KDM5B: variants seen among roughly 807,000 people sequenced by gnomAD.
KDM5B encodes the protein lysine demethylase 5B, also known as lysine-specific demethylase 5B.
A neutral mutation model predicts 193.4 loss-of-function variants in KDM5B; 144 were observed. The observed-to-expected ratio is 0.74, with a 90% CI of 0.65 to 0.86. The LOEUF is 0.86. Ranked by LOEUF, KDM5B falls within the 40% of genes least tolerant of loss-of-function variation. KDM5B has a pLI of 0.00. For synonymous variants in KDM5B, 668 were observed against 682.6 expected (o/e 0.98, Z 0.33); for missense variants, 1,833 against 1,886.9 (o/e 0.97, Z 0.53).
chr1:202,805,377 G>A (rs1658248757), intron 1 of KDM5B, among the ~76,000 whole-genome samples: 2 of 152,142 alleles, frequency 1.3e-5, no homozygotes, highest in African/African-American at 4.8e-5. Context: ...AATAATGTAA[G>A]TACTCTAAGT....
intron 1 of KDM5B, among the ~76,000 whole-genome samples, chr1:202,801,724 T>A (rs1033132182): frequency 6.6e-6 from 1 of 152,214 alleles, no homozygotes; most frequent in Non-Finnish European, 1.5e-5. Context: ...TACTTCTCAA[T>A]TGCATACCAT....
rs779548257 is a variant in KDM5B at position 202,749,008 on chromosome 1, A to C, written c.1953T>G (p.Val651=). The change falls in exon 14 of 27, where the codon GTT becomes GTG. Residue 651 remains valine, a synonymous_variant. Coordinates refer to ENST00000367265, the MANE Select transcript of KDM5B (RefSeq NM_006618.5). ...DVLDVVVAST[V]QKDMAIMIED... Reference sequence around the variant, plus strand: ...CAATCATAATGGCCATGTCTTTCTGAACAGTTGAAGCCACTACAACATCTA... The same window carrying C: ...CAATCATAATGGCCATGTCTTTCTGCACAGTTGAAGCCACTACAACATCTA... The C allele has an allele frequency of 6.2e-7, 1 of 1,614,088 alleles. No homozygotes were observed. Among genetic ancestry groups the C allele is most frequent in the Non-Finnish European group, 8.5e-7 (1 of 1,180,004 alleles).
chr1:202,775,841 A>C (rs1397755658), intron 2 of KDM5B, among the ~76,000 whole-genome samples: 2 of 133,350 alleles, frequency 1.5e-5, no homozygotes, highest in South Asian at 2.5e-4. Flanking sequence ...TGGTGACAGA[A>C]CAAGACTCTT....
chr1:202,801,362 T>C (rs1658066094), intron 1 of KDM5B, among the ~76,000 whole-genome samples: 1 of 152,130 alleles, frequency 6.6e-6, no homozygotes, highest in African/African-American at 2.4e-5. Flanking sequence ...GGTCTACAGT[T>C]AAAGGACTGA....
At chr1:202,800,489 C>T (rs1016411488) in intron 1 of KDM5B, among the ~76,000 whole-genome samples, 7 of 152,194 alleles carry the variant, frequency 4.6e-5, no homozygotes, top group East Asian at 1.9e-4. Context: ...TACAGGTGCA[C>T]GTCACCATTC....
chr1:202,748,036 C>A (rs1212388220), intron 14 of KDM5B, among the ~76,000 whole-genome samples: 1 of 151,912 alleles, frequency 6.6e-6, no homozygotes, highest in East Asian at 1.9e-4. Context: ...TAATCAAGAC[C>A]ATTTAGTATT....
chr1:202,803,260 A>G (rs1238156363), intron 1 of KDM5B, among the ~76,000 whole-genome samples: 1 of 152,188 alleles, frequency 6.6e-6, no homozygotes, highest in Non-Finnish European at 1.5e-5. Flanking sequence ...TTTAGATTGC[A>G]TGTTTAAAAC....
In KDM5B at chr1:202,772,955, C is replaced by G. The variant is rs868293433; in HGVS notation, c.576+163G>C. Among the ~76,000 whole-genome samples, 7 of 152,150 alleles carry G rather than the reference C, an allele frequency of 4.6e-5. No homozygotes were observed. Among genetic ancestry groups the G allele is most frequent in the Non-Finnish European group, 8.8e-5 (6 of 68,026 alleles). ...CAGGTGATTCACCTGCCTTGGCCTC[C>G]CAAAGTGTTGGGATTACAGGAGTGA... is the stretch of plus-strand genomic sequence containing the variant. On this transcript the variant is annotated intron_variant, in intron 4 of 26. Transcript: ENST00000367265.
chr1:202,735,251 T>C (rs572030168), intron 22 of KDM5B, among the ~76,000 whole-genome samples, 178 bp downstream of exon 22: 10 of 152,292 alleles, frequency 6.6e-5, no homozygotes, highest in African/African-American at 2.2e-4. Context: ...CTTTCCCACC[T>C]CTATGCATCT....
At chr1:202,771,397 A>ATTT (rs1558504271) in intron 4 of KDM5B, among the ~76,000 whole-genome samples, 1 of 54,606 alleles carries the variant, frequency 1.8e-5, no homozygotes, top group Admixed American at 3.0e-4. Flanking sequence ...ACATCCAGCT[A>ATTT]ATTTTTTTTT....
chr1:202,746,383 A>C, intron 14 of KDM5B, 60 bp from the exon 15 acceptor site: 1 of 1,142,794 alleles, frequency 8.8e-7, no homozygotes, highest in Non-Finnish European at 1.2e-6. Context: ...CCAGCCCAAG[A>C]CAAACATGCA....
rs957204634 is a variant in KDM5B at position 202,724,861 on chromosome 1, T to G, written c.*4175A>C. The G allele has an allele frequency of 6.6e-6, 1 of 152,184 alleles. No individual in the cohort carries two copies. Among genetic ancestry groups the G allele is most frequent in the Non-Finnish European group, 1.5e-5 (1 of 68,028 alleles). The allele number at this position is 152,184 out of a possible 1,614,324, so 9.4% of individuals were successfully genotyped here. ...TTCTCCAACTTCTAGCTAGGTAAGT[T>G]TGCCAGGAGCTAAAAGTTTTGGTGT... On this transcript the variant is annotated 3_prime_UTR_variant, in exon 27 of 27. Transcript: ENST00000367265.
At chr1:202,798,302 T>TA (rs1444346802) in intron 1 of KDM5B, among the ~76,000 whole-genome samples, 1 of 59,642 alleles carries the variant, frequency 1.7e-5, no homozygotes, top group African/African-American at 3.2e-5. Context: ...GTTTTTGTCT[T>TA]TTTTTTTTTT....
At chr1:202,743,326 G>C (rs1438836912) in intron 16 of KDM5B, among the ~76,000 whole-genome samples, 1 of 88,550 alleles carries the variant, frequency 1.1e-5, no homozygotes, top group South Asian at 5.1e-4. Flanking sequence ...GACAGAGCAA[G>C]ACCTTGTCTC....
chr1:202,743,115 T>A (rs185100758), intron 16 of KDM5B, among the ~76,000 whole-genome samples: 4 of 152,124 alleles, frequency 2.6e-5, no homozygotes, highest in Non-Finnish European at 5.9e-5. Flanking sequence ...GGCAGGAAGA[T>A]CACTTGAGGC....
At chr1:202,789,260 T>A (rs1657536697) in intron 1 of KDM5B, among the ~76,000 whole-genome samples, 1 of 152,062 alleles carries the variant, frequency 6.6e-6, no homozygotes, top group Non-Finnish European at 1.5e-5. Context: ...GCTCATCATG[T>A]CTGTAAGCCC....
intron 9 of KDM5B, among the ~76,000 whole-genome samples, chr1:202,756,910 A>G (rs1656033252): frequency 6.6e-6 from 1 of 152,192 alleles, no homozygotes; most frequent in African/African-American, 2.4e-5. Flanking sequence ...TTTCAAATAC[A>G]TTACCTGAGT....
At position 202,755,270 on chromosome 1, in the gene KDM5B, C is replaced by T; in HGVS notation, c.1538+1G>A. 1 of 1,613,334 alleles carries T rather than the reference C, an allele frequency of 6.2e-7. No individual in the cohort carries two copies. The stretch of plus-strand genomic sequence containing the variant: ...CATGGGTTCTTTTTGGAACTTCTCA[C>T]CAGTGCAAGTAGTTAATTGAATAGC... On this transcript the variant is annotated splice_donor_variant, in intron 11 of 26. Coordinates refer to ENST00000367265, the MANE Select transcript of KDM5B (RefSeq NM_006618.5). LOFTEE classifies it high-confidence loss of function.
At chr1:202,748,753 G>A (rs920382276) in intron 14 of KDM5B, among the ~76,000 whole-genome samples, 192 bp downstream of exon 14, 1 of 152,036 alleles carries the variant, frequency 6.6e-6, no homozygotes, top group African/African-American at 2.4e-5. Context: ...CTACTTCAAA[G>A]AGACATATGT....
Sources: allele counts gnomAD v4.1 joint callset (sites outside exome capture counted in the v4.1 genomes callset), GRCh38; gene constraint gnomAD v4.1.1; transcripts MANE v1.5; gene names NCBI Gene and HGNC (gene_info 2026-07-23, HGNC 2026-07-21).